The following DSCAML1 variants were observed in gnomAD, a reference collection of about 807,000 sequenced individuals.
The protein encoded by DSCAML1 is cell adhesion molecule DSCAML1.
Under a neutral mutation model 200.5 loss-of-function variants are expected in DSCAML1, and 38 were observed. The observed-to-expected ratio is 0.19, with a 90% confidence interval of 0.15 to 0.25. The LOEUF (loss-of-function observed/expected upper bound fraction) is 0.25. Ranked by LOEUF, DSCAML1 falls within the 10% of genes least tolerant of loss-of-function variation. DSCAML1 has a pLI of 1.00. For missense variants in DSCAML1, 2,223 were observed against 2,858.8 expected (o/e 0.78, Z 5.07); for synonymous variants, 1,215 against 1,165.0 (o/e 1.04, Z -0.87).
At chr11:117,797,843 G>A (rs572873712), upstream of DSCAML1, among the ~76,000 whole-genome samples, 73 of 104,630 alleles carry the variant, frequency 7.0e-4, no homozygotes, top group Admixed American at 1.0e-3. Flanking sequence ...TAATGTCTAC[G>A]CTACCTGTGT....
chr11:117,478,200 A>G (rs2048835764), intron 14 of DSCAML1, among the ~76,000 whole-genome samples: 1 of 151,940 alleles, frequency 6.6e-6, no homozygotes, highest in Non-Finnish European at 1.5e-5. Flanking sequence ...CACGCATTAG[A>G]GACTGGTCAG....
In DSCAML1 at chr11:117,543,112, G is replaced by A. The variant is rs1460446309; in HGVS notation, c.512-10590C>T. 2.0e-5 allele frequency among the ~76,000 whole-genome samples: 3 copies of A among 152,340 alleles called. No individual in the cohort carries two copies. The East Asian group carries it at 5.8e-4, about 29-fold the overall frequency. On this transcript the variant is annotated intron_variant, in intron 3 of 32. Transcript: ENST00000651296. The stretch of plus-strand genomic sequence containing the variant: ...AGTTTTGGAAGACATTACAGTTACT[G>A]AATGAAAGAGTGGATGAATGATCTC...
At chr11:117,528,440 G>C (rs967395012) in intron 4 of DSCAML1, among the ~76,000 whole-genome samples, 2 of 152,200 alleles carry the variant, frequency 1.3e-5, no homozygotes, top group Admixed American at 6.5e-5. Context: ...GCGACAGCCC[G>C]GGGGGACTGG....
At position 117,432,346 on chromosome 11, in the gene DSCAML1, G is replaced by A. The variant is rs376201562; in HGVS notation, c.5179+6C>T. The A allele has an allele frequency of 4.5e-5, 73 of 1,612,014 alleles. No homozygotes were observed. Among genetic ancestry groups the A allele is most frequent in the Admixed American group, 1.7e-5 (1 of 59,708 alleles). Reference sequence around the variant, plus strand: ...AAAGGGCTGTCTCCCTGGGGATAATGCGTACTGGTTCCTGGCCGGATGTCA... The same window carrying A: ...AAAGGGCTGTCTCCCTGGGGATAATACGTACTGGTTCCTGGCCGGATGTCA... On this transcript the variant is annotated splice_donor_region_variant and intron_variant, in intron 30 of 32. Coordinates refer to ENST00000651296, the MANE Select transcript of DSCAML1 (RefSeq NM_020693.4).
intron 3 of DSCAML1, among the ~76,000 whole-genome samples, chr11:117,635,453 TGTGTGTGTGTGTGTGTGTGTGC>T (rs1273047251): frequency 6.8e-6 from 1 of 147,600 alleles, no homozygotes; most frequent in African/African-American, 2.5e-5. Context: ...GTGTGGTGTG[TGTGTGTGTGTGTGTGTGTGTGC>T]GTGTGTGTTT....
In DSCAML1 at chr11:117,775,455, A is replaced by C. The variant is rs1306802312; in HGVS notation, c.511+1336T>G. 3.9e-5 allele frequency among the ~76,000 whole-genome samples: 6 copies of C among 152,194 alleles called. No homozygotes were observed. In the East Asian group the frequency reaches 1.2e-3, roughly 29 times the overall value. ...TGCTATTAGCCTATGGTTTTACAAA[A>C]GACAGGAGGAGCAGCTGTCTTCCAG... On this transcript the variant is annotated intron_variant, in intron 3 of 32. Coordinates refer to ENST00000651296, the MANE Select transcript of DSCAML1 (RefSeq NM_020693.4).
At chr11:117,583,730 C>A (rs913173046) in intron 3 of DSCAML1, among the ~76,000 whole-genome samples, 1 of 152,226 alleles carries the variant, frequency 6.6e-6, no homozygotes, top group Non-Finnish European at 1.5e-5. Flanking sequence ...GCTTTGTGAC[C>A]TGGGTCATTG....
chr11:117,668,321 G>A (rs1276826336), intron 3 of DSCAML1, among the ~76,000 whole-genome samples: 1 of 152,142 alleles, frequency 6.6e-6, no homozygotes, highest in South Asian at 2.1e-4. Flanking sequence ...TCTCTGCAGG[G>A]TGCTTTGCAG....
At chr11:117,708,843 T>TG (rs1424112867) in intron 3 of DSCAML1, among the ~76,000 whole-genome samples, 1 of 151,900 alleles carries the variant, frequency 6.6e-6, no homozygotes, top group East Asian at 1.9e-4. Context: ...GAGTACAAAG[T>TG]GGGGGGTGGG....
At chr11:117,444,072 C>T in intron 20 of DSCAML1, 33 bp from the exon 21 acceptor site, 1 of 1,589,566 alleles carries the variant, frequency 6.3e-7, no homozygotes, top group Non-Finnish European at 8.6e-7. Context: ...CTCTAAGAAG[C>T]AGAACTGGGG....
intron 3 of DSCAML1, among the ~76,000 whole-genome samples, chr11:117,579,908 T>C (rs1396384056): frequency 6.6e-6 from 1 of 152,174 alleles, no homozygotes; most frequent in Non-Finnish European, 1.5e-5. Flanking sequence ...TTTTGTGGAG[T>C]CCAAAAGTGT....
rs1199011198 is a variant in DSCAML1, at chr11:117,504,737, C to T, written c.2182+187G>A. Among the ~76,000 whole-genome samples, 2 of 152,096 alleles carry T rather than the reference C, an allele frequency of 1.3e-5. No homozygotes were observed. The highest frequency in any genetic ancestry group is 2.9e-5 in the Non-Finnish European group (2 of 68,010). The stretch of plus-strand genomic sequence containing the variant: ...CAGCATGATGGCTGTTCCTGGTCCA[C>T]AGACCCCCGGGGGTGGCTGAGGATG... On this transcript the variant is annotated intron_variant, in intron 10 of 32. Coordinates refer to ENST00000651296, the MANE Select transcript of DSCAML1 (RefSeq NM_020693.4). This position sits in a 1 kb window ranked among gnomAD's most constrained non-coding sequence, Gnocchi z 5.0.
chr11:117,676,949 G>C (rs186278938), intron 3 of DSCAML1, among the ~76,000 whole-genome samples: 4 of 152,348 alleles, frequency 2.6e-5, no homozygotes, highest in African/African-American at 9.6e-5. Context: ...ACCGGGACAG[G>C]GGAGGCCGGG....
intron 3 of DSCAML1, among the ~76,000 whole-genome samples, chr11:117,535,854 T>A (rs1326326897): frequency 4.6e-5 from 6 of 131,142 alleles, no homozygotes; most frequent in African/African-American, 1.2e-4. Context: ...TCCCGGCACC[T>A]CAAGACAAAC....
At chr11:117,723,552 G>A (rs1256339866) in intron 3 of DSCAML1, among the ~76,000 whole-genome samples, 1 of 152,200 alleles carries the variant, frequency 6.6e-6, no homozygotes, top group Non-Finnish European at 1.5e-5. Context: ...CTAGTTTACA[G>A]TGAACCCACC....
intron 3 of DSCAML1, among the ~76,000 whole-genome samples, chr11:117,767,801 G>T (rs1441320749): frequency 6.6e-6 from 1 of 152,190 alleles, no homozygotes; most frequent in Non-Finnish European, 1.5e-5. Flanking sequence ...GTGACCTGGA[G>T]CAAATTGCTC....
intron 4 of DSCAML1, 27 bp from the exon 5 acceptor site, chr11:117,525,110 C>T (rs980093644): frequency 3.3e-6 from 5 of 1,506,302 alleles, no homozygotes; most frequent in East Asian, 5.0e-5. Context: ...GTCGGCAGCC[C>T]TGGCCAGCCC....
At chr11:117,446,647 C>A (rs2048183136) in intron 20 of DSCAML1, among the ~76,000 whole-genome samples, 1 of 152,134 alleles carries the variant, frequency 6.6e-6, no homozygotes, top group Non-Finnish European at 1.5e-5. Flanking sequence ...AAAAATCCAT[C>A]TAACAAAAAT....
At chr11:117,661,385 G>A (rs2052846107) in intron 3 of DSCAML1, among the ~76,000 whole-genome samples, 1 of 152,210 alleles carries the variant, frequency 6.6e-6, no homozygotes, top group Admixed American at 6.5e-5. Context: ...TATAACAGGT[G>A]CACCGAATAG....
Sources: gnomAD v4.1 joint callset for allele counts (sites outside exome capture counted in the v4.1 genomes callset) on GRCh38, gnomAD v4.1.1 for gene constraint, Gnocchi (gnomAD v3.1) non-coding constraint, MANE v1.5 for transcripts, NCBI Gene and HGNC (gene_info 2026-07-23, HGNC 2026-07-21) for gene names.